The following EPHA4 variants were observed in gnomAD, a reference collection of about 807,000 sequenced individuals.
EPHA4 encodes the protein ephrin type-A receptor 4.
A neutral mutation model predicts 108.3 loss-of-function variants in EPHA4; 19 were observed. That is an observed-to-expected ratio of 0.18 (90% confidence interval 0.12 to 0.26). EPHA4 has a LOEUF of 0.26. EPHA4 is among the 10% of genes least tolerant of loss of function. The pLI is 1.00. For missense variants in EPHA4, 917 were observed against 1,254.0 expected (o/e 0.73, Z 4.06); for synonymous variants, 449 against 455.5 (o/e 0.99, Z 0.18).
intron 5 of EPHA4, among the ~76,000 whole-genome samples, chr2:221,467,929 G>A (rs75479324): frequency 0.024 from 3,686 of 152,290 alleles, 139 homozygotes; most frequent in African/African-American, 0.084. Context: ...AGGAAAACAA[G>A]TCTTTCCACT....
Position 221,482,277 on chromosome 2 carries a change from T to A in EPHA4, c.1318+75A>T, listed in dbSNP as rs1011162827. Reference sequence around the variant, plus strand: ...TTGATTCTATTTCAATTATAGCAATTTATTATAATTCATTATTTTAAGCCT... The same window carrying A: ...TTGATTCTATTTCAATTATAGCAATATATTATAATTCATTATTTTAAGCCT... On this transcript the variant is annotated intron_variant, in intron 5 of 17. Transcript: ENST00000281821. The A allele has an allele frequency of 5.3e-6, 7 of 1,312,272 alleles. No individual in the cohort carries two copies. The African/African-American group carries it at 1.0e-4, about 19-fold the overall frequency. 81.3% of individuals were successfully genotyped at this position (1,312,272 alleles called of 1,614,324 possible). A position where few individuals can be genotyped will look rare whatever the true frequency, so the allele number is the denominator to read the frequency against.
At position 221,436,583 on chromosome 2, in the gene EPHA4, A is replaced by G; in HGVS notation, c.2162T>C (p.Ile721Thr). 1.2e-6 allele frequency: 2 copies of G among 1,614,182 alleles called. No individual in the cohort carries two copies. The highest frequency in any genetic ancestry group is 1.7e-6 in the Non-Finnish European group (2 of 1,180,026). The change falls in exon 13 of 18, where the codon ATT (isoleucine) becomes ACT (threonine). Residue 721 changes from isoleucine (I) to threonine (T), a missense_variant. By Grantham distance (89) the Ile-to-Thr change is moderately conservative. This residue lies in a region of EPHA4 where 758 missense variants were observed against 1,076.7 expected (regional missense o/e 0.70). Coordinates refer to ENST00000281821, the MANE Select transcript of EPHA4 (RefSeq NM_004438.5). ...GCCACGAAGCATGCCCACCAGCTGAATGACTGTAAATCTGCCATCATTTTT... is the reference window on the plus strand; with the variant it reads ...GCCACGAAGCATGCCCACCAGCTGAGTGACTGTAAATCTGCCATCATTTTT... Reference protein sequence around the residue: ...LRKNDGRFTVIQLVGMLRGIG... With the variant: ...LRKNDGRFTVTQLVGMLRGIG...
At chr2:221,442,791 C>T (rs760572185) in intron 11 of EPHA4, 38 bp downstream of exon 11, 1 of 1,606,744 alleles carries the variant, frequency 6.2e-7, no homozygotes, top group Non-Finnish European at 8.5e-7. Flanking sequence ...TTCCCAGTAA[C>T]TTCTAGCTTG....
intron 3 of EPHA4, among the ~76,000 whole-genome samples, chr2:221,543,112 A>G (rs1205654746): frequency 2.6e-5 from 4 of 152,202 alleles, no homozygotes; most frequent in South Asian, 2.1e-4. Context: ...TAAAAAATGC[A>G]TATTTTTCAA....
intron 4 of EPHA4, among the ~76,000 whole-genome samples, chr2:221,499,752 ATATATTTTTTTTT>A (rs957330706): frequency 2.4e-5 from 1 of 41,352 alleles, no homozygotes; most frequent in African/African-American, 1.4e-4. Flanking sequence ...ATATATATAT[ATATATTTTTTTTT>A]TTTTTTTTTG....
At chr2:221,523,156 G>A (rs575131764) in intron 3 of EPHA4, among the ~76,000 whole-genome samples, 3 of 152,072 alleles carry the variant, frequency 2.0e-5, no homozygotes, top group South Asian at 4.1e-4. Flanking sequence ...GAACACTGGC[G>A]ATCAGTTGGG....
intron 1 of EPHA4, among the ~76,000 whole-genome samples, chr2:221,570,125 C>CA (rs922786395): frequency 8.0e-5 from 12 of 150,848 alleles, no homozygotes; most frequent in Non-Finnish European, 1.3e-4. Context: ...ACCCAATTTA[C>CA]AAAAAAAGGA....
chr2:221,467,886 T>G (rs1159873451), intron 5 of EPHA4, among the ~76,000 whole-genome samples: 2 of 152,194 alleles, frequency 1.3e-5, no homozygotes, highest in Admixed American at 1.3e-4. Flanking sequence ...GTGTGTTTCC[T>G]GTTATAAGTA....
rs778222160 is a variant in EPHA4 at position 221,436,457 on chromosome 2, G to C, written c.2288C>G (p.Ser763Cys). ...LVNSNLVCKV[S>C]DFGMSRVLED... The stretch of plus-strand genomic sequence containing the variant: ...AAGCACTCGGGACATGCCAAAATCA[G>C]ACACTTTGCAGACCAAGTTGCTGTT... The change falls in exon 13 of 18, where the codon TCT becomes TGT. Residue 763 changes from serine to cysteine, a missense_variant. Ser to Cys is a moderately radical substitution (Grantham distance 112). Around this residue, in one of 3 missense-constraint regions of EPHA4, gnomAD observed 758 missense variants for 1,076.7 expected, o/e 0.70. Coordinates refer to ENST00000281821, the MANE Select transcript of EPHA4 (RefSeq NM_004438.5). 1.2e-6 allele frequency: 2 copies of C among 1,614,144 alleles called. No homozygotes were observed. The highest frequency in any genetic ancestry group is 3.3e-5 in the Admixed American group (2 of 60,022).
At chr2:221,435,468 C>T (rs933796690) in intron 13 of EPHA4, among the ~76,000 whole-genome samples, 7 of 151,900 alleles carry the variant, frequency 4.6e-5, no homozygotes, top group Non-Finnish European at 7.4e-5. Flanking sequence ...GAATACTATA[C>T]CCCCCTGCCC....
chr2:221,480,219 G>C (rs1342724505), intron 5 of EPHA4, among the ~76,000 whole-genome samples: 2 of 152,136 alleles, frequency 1.3e-5, no homozygotes, highest in African/African-American at 4.8e-5. Context: ...AAAATCTGTG[G>C]GAGCCAAGCC....
upstream of EPHA4, chr2:221,573,705 C>A (rs946500300): frequency 4.6e-5 from 7 of 152,206 alleles, no homozygotes; most frequent in Admixed American, 4.6e-4. This position sits in a 1 kb window ranked among gnomAD's most constrained non-coding sequence, Gnocchi z 4.5. Context: ...ACCTGCCGGC[C>A]AGATGCGGGA....
intron 3 of EPHA4, among the ~76,000 whole-genome samples, chr2:221,522,504 A>G (rs1047352898): frequency 6.6e-6 from 1 of 152,098 alleles, no homozygotes; most frequent in African/African-American, 2.4e-5. Context: ...ACACGACACC[A>G]CTCATTATTA....
chr2:221,509,644 G>A (rs765389476), intron 3 of EPHA4, among the ~76,000 whole-genome samples: 49 of 152,176 alleles, frequency 3.2e-4, no homozygotes, highest in Non-Finnish European at 1.0e-4. Context: ...CCTTAATCAA[G>A]TGTATAAAGG....
At chr2:221,520,308 CT>C (rs1296253758) in intron 3 of EPHA4, among the ~76,000 whole-genome samples, 1 of 152,122 alleles carries the variant, frequency 6.6e-6, no homozygotes, top group Non-Finnish European at 1.5e-5. Context: ...GAAATTTTAT[CT>C]TCTCTTCACA....
Position 221,482,673 on chromosome 2 carries a change from G to A in EPHA4, c.997C>T (p.Leu333=). The change falls in exon 5 of 18, where the codon CTG becomes TTG. Residue 333 remains leucine, a synonymous_variant. Coordinates refer to ENST00000281821, the MANE Select transcript of EPHA4 (RefSeq NM_004438.5). ...TCGTTGACATTTGAAATCAAGTTCA[G>A]GGGAGCAGATGGTGGACCTGGAGAA... is the stretch of plus-strand genomic sequence containing the variant. ...MPCTRPPSAP[L]NLISNVNETS... is the part of the protein sequence containing the mutation. 5 of 1,597,500 alleles carry A rather than the reference G, an allele frequency of 3.1e-6. No individual in the cohort carries two copies. The highest frequency in any genetic ancestry group is 4.3e-6 in the Non-Finnish European group (5 of 1,166,802).
intron 1 of EPHA4, among the ~76,000 whole-genome samples, chr2:221,570,809 TGGAC>T (rs374741538): frequency 5.9e-4 from 90 of 151,788 alleles, no homozygotes; most frequent in African/African-American, 2.0e-3. Flanking sequence ...GAGGGATGGA[TGGAC>T]GGACGGACGG....
At position 221,437,126 on chromosome 2, in the gene EPHA4, G is replaced by A; in HGVS notation, c.2075-4C>T. 6.2e-7 allele frequency: 1 copy of A among 1,610,108 alleles called. No individual in the cohort carries two copies. Among genetic ancestry groups the A allele is most frequent in the Non-Finnish European group, 8.5e-7 (1 of 1,177,412 alleles). On this transcript the variant is annotated splice_polypyrimidine_tract_variant and splice_region_variant and intron_variant, in intron 11 of 17. Coordinates refer to ENST00000281821, the MANE Select transcript of EPHA4 (RefSeq NM_004438.5). ...GTTATGATCATTACTGGTTTACCTA[G>A]AGTTTTCAGAAAGAAAAACACAAAC...
chr2:221,540,303 C>T (rs912867773), intron 3 of EPHA4, among the ~76,000 whole-genome samples: 2 of 152,312 alleles, frequency 1.3e-5, no homozygotes, highest in South Asian at 4.1e-4. Flanking sequence ...TAAATTTCCA[C>T]GTGCAAAACA....
Sources: gnomAD v4.1 joint callset for allele counts (sites outside exome capture counted in the v4.1 genomes callset) on GRCh38, gnomAD v4.1.1 for gene constraint, gnomAD v4.1.1 regional missense constraint, Gnocchi (gnomAD v3.1) non-coding constraint, MANE v1.5 for transcripts, NCBI Gene and HGNC (gene_info 2026-07-23, HGNC 2026-07-21) for gene names.